The following RIMS1 variants were observed in gnomAD, a reference collection of about 807,000 sequenced individuals.
RIMS1 encodes regulating synaptic membrane exocytosis 1.
A neutral mutation model predicts 214.1 loss-of-function variants in RIMS1; 83 were observed. The ratio of observed to expected loss-of-function variants is 0.39; its 90% CI spans 0.32 to 0.47. RIMS1 has a LOEUF of 0.47. Among genes scored for constraint, RIMS1 ranks in the 20% least tolerant of loss-of-function variants. RIMS1 has a pLI of 0.99. For synonymous variants in RIMS1, 793 were observed against 786.8 expected, an observed-to-expected ratio of 1.01 and a Z score of -0.13; for missense variants, 2,050 against 2,161.8, an observed-to-expected ratio of 0.95 and a Z score of 1.03.
chr6:72,343,969 T>C (rs145204188), intron 29 of RIMS1, among the ~76,000 whole-genome samples: 1 of 151,994 alleles, frequency 6.6e-6, no homozygotes, highest in East Asian at 1.9e-4. Context: ...CTGATATAAC[T>C]GTAACTCACA....
At chr6:72,239,998 T>A (rs1170184291) in intron 9 of RIMS1, among the ~76,000 whole-genome samples, 1 of 152,100 alleles carries the variant, frequency 6.6e-6, no homozygotes, top group East Asian at 1.9e-4. Flanking sequence ...AATAACTAAC[T>A]ACTATGTCCC....
At position 71,887,202 on chromosome 6, in the gene RIMS1, G is replaced by T. The variant is rs368246743; in HGVS notation, c.164+15G>T. The T allele has an allele frequency of 1.3e-5, 21 of 1,597,452 alleles. No individual in the cohort carries two copies. The African/African-American group carries it at 2.5e-4, about 19-fold the overall frequency. On this transcript the variant is annotated intron_variant, in intron 1 of 33. Coordinates refer to ENST00000521978, the MANE Select transcript of RIMS1 (RefSeq NM_014989.7). ...GCCATGCTCAAGTAAGCCAGCCCCA[G>T]CCGCGCCATCCATGCCTCCGTGCCT...
intron 2 of RIMS1, among the ~76,000 whole-genome samples, chr6:71,982,054 C>T (rs938553567): frequency 1.3e-5 from 2 of 151,942 alleles, no homozygotes; most frequent in Admixed American, 6.6e-5. Context: ...CAAACCAAGC[C>T]GCTAAACATT....
intron 4 of RIMS1, among the ~76,000 whole-genome samples, chr6:72,151,788 A>G (rs1373373866): frequency 6.6e-6 from 1 of 152,208 alleles, no homozygotes; most frequent in Non-Finnish European, 1.5e-5. Flanking sequence ...TGTTGCTATA[A>G]TGAAATACTT....
At position 71,944,773 on chromosome 6, in the gene RIMS1, C is replaced by G. The variant is rs554078742; in HGVS notation, c.165-24210C>G. ...TGTGAGATGTCGGCCGAAGAGTACT[C>G]AACTAAAATATTACAATGTATGCAC... On this transcript the variant is annotated intron_variant, in intron 1 of 33. Coordinates refer to ENST00000521978, the MANE Select transcript of RIMS1 (RefSeq NM_014989.7). 1.2e-4 allele frequency among the ~76,000 whole-genome samples: 19 copies of G among 152,174 alleles called. No homozygotes were observed. The South Asian group carries it at 3.9e-3, about 32-fold the overall frequency.
chr6:72,082,990 T>G (rs977861471), intron 2 of RIMS1, among the ~76,000 whole-genome samples: 5 of 152,146 alleles, frequency 3.3e-5, no homozygotes, highest in African/African-American at 1.2e-4. Context: ...ATATTAAAAA[T>G]GTAAGGTAAT....
intron 2 of RIMS1, among the ~76,000 whole-genome samples, chr6:72,058,602 A>G (rs138189904): frequency 1.6e-4 from 25 of 152,204 alleles, no homozygotes; most frequent in Middle Eastern, 6.8e-3. Context: ...CCAGAAATTG[A>G]TGTTTTCTCT....
intron 26 of RIMS1, 27 bp downstream of exon 26, chr6:72,292,073 C>A (rs2093473053): frequency 6.8e-7 from 1 of 1,475,576 alleles, no homozygotes; most frequent in Non-Finnish European, 9.2e-7. Context: ...GATCATTGTC[C>A]AAAAATCTTG....
chr6:72,167,052 G>A (rs2046364827), intron 4 of RIMS1, among the ~76,000 whole-genome samples: 1 of 151,764 alleles, frequency 6.6e-6, no homozygotes, highest in Non-Finnish European at 1.5e-5. Flanking sequence ...TACTGTTAGT[G>A]GTAGGTTTTT....
At chr6:72,295,746 T>A (rs1253206437) in intron 26 of RIMS1, among the ~76,000 whole-genome samples, 2 of 151,848 alleles carry the variant, frequency 1.3e-5, no homozygotes, top group African/African-American at 4.8e-5. Context: ...CTGTATTCAT[T>A]CTTTCTTTGA....
At chr6:71,973,396 A>G (rs576061481) in intron 2 of RIMS1, among the ~76,000 whole-genome samples, 5 of 152,234 alleles carry the variant, frequency 3.3e-5, no homozygotes, top group Non-Finnish European at 7.4e-5. Flanking sequence ...GTCTCTCTCA[A>G]CAGTGGCTAT....
chr6:72,278,152 AATCTATCTATCTATCTATCT>A (rs561604409), intron 23 of RIMS1, among the ~76,000 whole-genome samples: 1 of 128,252 alleles, frequency 7.8e-6, no homozygotes, highest in Non-Finnish European at 1.7e-5. Flanking sequence ...AATGGTTTTT[AATCTATCTATCTATCTATCT>A]ATCTATCTAT....
At position 72,160,973 on chromosome 6, in the gene RIMS1, T is replaced by G. The variant is rs2045310500; in HGVS notation, c.472-18602T>G. On this transcript the variant is annotated intron_variant, in intron 4 of 33. Coordinates refer to ENST00000521978, the MANE Select transcript of RIMS1 (RefSeq NM_014989.7). The stretch of plus-strand genomic sequence containing the variant: ...AGAAGGAATGGTACCAGCTCATTCT[T>G]GTATCTTTGGTAGAATTTGGCTGTG... 2.1e-5 allele frequency among the ~76,000 whole-genome samples: 3 copies of G among 139,710 alleles called. 1 individual carries two copies. The South Asian group carries it at 7.2e-4, about 34-fold the overall frequency. The allele number at this position is 139,710 out of a possible 152,430, so 91.7% of individuals were successfully genotyped here. A position where few individuals can be genotyped will look rare whatever the true frequency, so the allele number is the denominator to read the frequency against.
chr6:72,160,677 G>A (rs916459961), intron 4 of RIMS1, among the ~76,000 whole-genome samples: 2 of 140,702 alleles, frequency 1.4e-5, no homozygotes, highest in African/African-American at 4.9e-5. Context: ...TTATATGCTG[G>A]CTTACGTTTA....
chr6:72,093,825 TG>T (rs1200589362), intron 2 of RIMS1, among the ~76,000 whole-genome samples: 1 of 152,198 alleles, frequency 6.6e-6, no homozygotes, highest in East Asian at 1.9e-4. Flanking sequence ...CAATTATTTT[TG>T]GTGAATACCT....
At chr6:72,400,218 ATT>A (rs2098825673) in intron 33 of RIMS1, among the ~76,000 whole-genome samples, 1 of 152,134 alleles carries the variant, frequency 6.6e-6, no homozygotes, top group Non-Finnish European at 1.5e-5. Flanking sequence ...ACTCTTATGT[ATT>A]TATTTCTTTA....
chr6:72,000,467 TTC>T (rs1449236545), intron 2 of RIMS1, among the ~76,000 whole-genome samples: 1 of 152,184 alleles, frequency 6.6e-6, no homozygotes, highest in Non-Finnish European at 1.5e-5. Flanking sequence ...TTCTTTCATT[TTC>T]TGTTTCTCTT....
intron 2 of RIMS1, among the ~76,000 whole-genome samples, chr6:72,056,830 A>T (rs914090146): frequency 1.3e-5 from 2 of 152,232 alleles, no homozygotes; most frequent in African/African-American, 4.8e-5. Context: ...TAAATAGATT[A>T]CCTAAACTAT....
At chr6:72,002,317 A>T (rs1464880797) in intron 2 of RIMS1, among the ~76,000 whole-genome samples, 1 of 152,150 alleles carries the variant, frequency 6.6e-6, no homozygotes, top group Non-Finnish European at 1.5e-5. Context: ...AAAAAAAAAA[A>T]ATTACAAAGT....
Sources: allele counts gnomAD v4.1 joint callset (sites outside exome capture counted in the v4.1 genomes callset), GRCh38; gene constraint gnomAD v4.1.1; transcripts MANE v1.5; gene names NCBI Gene and HGNC (gene_info 2026-07-23, HGNC 2026-07-21).